Variants in NUP35 observed in about 807,000 individuals in gnomAD.
NUP35 encodes nucleoporin 35.
NUP35 carries 25 observed loss-of-function variants against 41.5 expected under a neutral mutation model. The observed-to-expected ratio is 0.60, with a 90% CI of 0.44 to 0.84. NUP35 has a LOEUF of 0.84. Among genes scored for constraint, NUP35 ranks in the 40% least tolerant of loss-of-function variants. NUP35 has a pLI of 0.00. For missense variants in NUP35, 396 were observed against 396.6 expected (o/e 1.00, Z 0.01); for synonymous variants, 149 against 130.7 (o/e 1.14, Z -0.96).
intron 3 of NUP35, among the ~76,000 whole-genome samples, chr2:183,132,847 G>A (rs1261466942): frequency 1.3e-5 from 2 of 152,114 alleles, no homozygotes; most frequent in East Asian, 3.9e-4. Context: ...TAATAATTGA[G>A]GAATAAATTT....
At chr2:183,130,141 A>G (rs1684645141) in intron 2 of NUP35, among the ~76,000 whole-genome samples, 1 of 152,314 alleles carries the variant, frequency 6.6e-6, no homozygotes, top group South Asian at 2.1e-4. Flanking sequence ...TTCATTAACT[A>G]CTTACTCTGA....
intron 5 of NUP35, among the ~76,000 whole-genome samples, chr2:183,152,155 A>AC (rs58605274): frequency 0.29 from 41,172 of 141,514 alleles, 6,662 homozygotes; most frequent in East Asian, 0.49. Context: ...ACACACACAC[A>AC]ATGTCACAGG....
At chr2:183,150,573 A>G (rs763126482) in intron 4 of NUP35, among the ~76,000 whole-genome samples, 3 of 151,746 alleles carry the variant, frequency 2.0e-5, no homozygotes, top group Non-Finnish European at 4.4e-5. Flanking sequence ...TAACCCACCC[A>G]CACAAATTGG....
chr2:183,123,588 T>C (rs919609168), upstream of NUP35, among the ~76,000 whole-genome samples: 1 of 152,218 alleles, frequency 6.6e-6, no homozygotes, highest in South Asian at 2.1e-4. Flanking sequence ...ATTTTGGAAA[T>C]AATCCTCATG....
chr2:183,120,445 CA>C (rs3029530), upstream of NUP35, among the ~76,000 whole-genome samples: 55,589 of 117,846 alleles, frequency 0.47, 12,357 homozygotes, highest in East Asian at 0.8. Context: ...GACTCCGTCT[CA>C]AAAAAAAAAA....
intron 3 of NUP35, 74 bp downstream of exon 3, chr2:183,130,619 C>A: frequency 6.9e-7 from 1 of 1,451,614 alleles, no homozygotes; most frequent in Non-Finnish European, 9.5e-7. Context: ...AGAGTCAATA[C>A]TTTGAAATGT....
chr2:183,142,959 G>A (rs188216678), intron 4 of NUP35, among the ~76,000 whole-genome samples: 1,519 of 151,620 alleles, frequency 0.01, 31 homozygotes, highest in African/African-American at 0.035. Flanking sequence ...GATCGAGACC[G>A]TCCTAGCTAA....
intron 5 of NUP35, among the ~76,000 whole-genome samples, chr2:183,153,932 C>A (rs1185076384): frequency 6.6e-6 from 1 of 152,242 alleles, no homozygotes; most frequent in Non-Finnish European, 1.5e-5. Context: ...TATTTCCATA[C>A]ATCTTCTGAA....
chr2:183,159,411 A>T (rs1685786281), intron 7 of NUP35, 77 bp from the exon 8 acceptor site: 1 of 1,098,242 alleles, frequency 9.1e-7, no homozygotes, highest in Admixed American at 2.7e-5. Flanking sequence ...TTTTAATTAA[A>T]TTTTCTAAGT....
chr2:183,132,550 C>G (rs1462086683), intron 3 of NUP35, among the ~76,000 whole-genome samples: 3 of 152,044 alleles, frequency 2.0e-5, no homozygotes, highest in Non-Finnish European at 4.4e-5. Flanking sequence ...GAGTGAGACC[C>G]TGTCTCAAAA....
intron 1 of NUP35, 81 bp from the exon 2 acceptor site, chr2:183,128,206 A>T (rs1684566146): frequency 8.7e-7 from 1 of 1,154,958 alleles, no homozygotes; most frequent in African/African-American, 1.6e-5. Context: ...AAATTATGTT[A>T]GATTCTTGCA....
At chr2:183,120,103 A>T (rs190001283), upstream of NUP35, 14 of 152,396 alleles carry the variant, frequency 9.2e-5, no homozygotes, top group Middle Eastern at 0.01. Flanking sequence ...TTCTGTAGAA[A>T]ATAGGAACTC....
chr2:183,150,541 C>T (rs1685434422), intron 4 of NUP35, among the ~76,000 whole-genome samples: 1 of 152,032 alleles, frequency 6.6e-6, no homozygotes, highest in South Asian at 2.1e-4. Flanking sequence ...TTTAATGCAC[C>T]TCAGTGAAAT....
chr2:183,151,785 C>T, intron 5 of NUP35, 136 bp downstream of exon 5: 1 of 697,638 alleles, frequency 1.4e-6, no homozygotes, highest in Non-Finnish European at 2.3e-6. Context: ...CTATGGTTAA[C>T]AGTTTGCTAC....
At chr2:183,121,806 T>C (rs1294246516), upstream of NUP35, among the ~76,000 whole-genome samples, 1 of 151,928 alleles carries the variant, frequency 6.6e-6, no homozygotes, top group Non-Finnish European at 1.5e-5. Flanking sequence ...CACTCCAGCC[T>C]GGTGACAGAG....
chr2:183,143,913 C>T (rs1685188138), intron 4 of NUP35, among the ~76,000 whole-genome samples: 1 of 152,164 alleles, frequency 6.6e-6, no homozygotes, highest in Non-Finnish European at 1.5e-5. Flanking sequence ...TGCCATACTG[C>T]AAAGTCTGAT....
intron 5 of NUP35, 41 bp from the exon 6 acceptor site, chr2:183,157,403 A>G (rs767967949): frequency 2.2e-5 from 31 of 1,379,170 alleles, no homozygotes; most frequent in Non-Finnish European, 3.1e-5. Context: ...TCACATTGAT[A>G]GTAGAAGCTG....
At chr2:183,117,686 T>C (rs892538567) in intron 1 of NUP35, 11 of 152,324 alleles carry the variant, frequency 7.2e-5, no homozygotes, top group Admixed American at 7.2e-4. Context: ...TTTTATAGAA[T>C]AGACTGAGAG....
intron 5 of NUP35, among the ~76,000 whole-genome samples, chr2:183,154,265 A>G (rs1265801638): frequency 6.6e-6 from 1 of 152,184 alleles, no homozygotes; most frequent in South Asian, 2.1e-4. Flanking sequence ...CATTAACATT[A>G]GGCTCCTTTC....
Sources: allele counts gnomAD v4.1 joint callset (sites outside exome capture counted in the v4.1 genomes callset), GRCh38; gene constraint gnomAD v4.1.1; transcripts MANE v1.5; gene names NCBI Gene and HGNC (gene_info 2026-07-23, HGNC 2026-07-21).